HDAC9: variants seen among roughly 807,000 people sequenced by gnomAD.
HDAC9 encodes MEF-2 interacting transcription repressor (MITR) protein.
HDAC9 carries 41 observed loss-of-function variants against 139.4 expected under a neutral mutation model. The observed-to-expected ratio is 0.29, with a 90% CI of 0.23 to 0.38. The LOEUF (loss-of-function observed/expected upper bound fraction) is 0.38, where lower values mean the gene tolerates loss of function less well. Among genes scored for constraint, HDAC9 ranks in the 10% least tolerant of loss-of-function variants. The probability of loss-of-function intolerance (pLI) is 1.00; values close to 1 mark genes in which losing one functional copy is unlikely to be tolerated. For missense variants in HDAC9, 1,147 were observed against 1,297.0 expected, an observed-to-expected ratio of 0.88 and a Z score of 1.78; for synonymous variants, 517 against 476.2, an observed-to-expected ratio of 1.09 and a Z score of -1.12.
chr7:18,913,613 T>C (rs910561953), intron 22 of HDAC9, among the ~76,000 whole-genome samples: 1 of 152,090 alleles, frequency 6.6e-6, no homozygotes, highest in African/African-American at 2.4e-5. Context: ...CTAATTAATA[T>C]TGACATCACA....
At chr7:18,661,324 G>C (rs976949256) in intron 11 of HDAC9, among the ~76,000 whole-genome samples, 1 of 152,072 alleles carries the variant, frequency 6.6e-6, no homozygotes, top group African/African-American at 2.4e-5. Flanking sequence ...GGGAATAAAG[G>C]TTATTTTTGA....
intron 1 of HDAC9, among the ~76,000 whole-genome samples, chr7:18,380,665 A>G (rs1211396878): frequency 6.6e-6 from 1 of 152,202 alleles, no homozygotes; most frequent in Non-Finnish European, 1.5e-5. Context: ...AATACTTGCA[A>G]AATTGGAATC....
At chr7:18,732,647 GTATA>G (rs148206017) in intron 13 of HDAC9, among the ~76,000 whole-genome samples, 1,595 of 81,646 alleles carry the variant, frequency 0.02, 24 homozygotes, top group East Asian at 0.082. Flanking sequence ...GTGCATATGT[GTATA>G]TATACACACA....
At chr7:18,202,200 T>A (rs1791181041) in intron 2 of HDAC9, among the ~76,000 whole-genome samples, 1 of 152,226 alleles carries the variant, frequency 6.6e-6, no homozygotes, top group Non-Finnish European at 1.5e-5. Context: ...AAATTTCAGA[T>A]CACAGAACTC....
intron 2 of HDAC9, among the ~76,000 whole-genome samples, chr7:18,244,715 G>A (rs1251025110): frequency 1.3e-5 from 2 of 151,914 alleles, no homozygotes; most frequent in African/African-American, 2.4e-5. Flanking sequence ...GGAGAATGGC[G>A]TGAACCCGGG....
intron 2 of HDAC9, among the ~76,000 whole-genome samples, chr7:18,538,986 CTCTT>C (rs1386032988): frequency 1.2e-4 from 19 of 152,276 alleles, no homozygotes; most frequent in African/African-American, 4.6e-4. Flanking sequence ...GCTCAGGTCT[CTCTT>C]TATCTTCTTG....
At position 18,758,654 on chromosome 7, in the gene HDAC9, T is replaced by A. The variant is rs547747720; in HGVS notation, c.2044-3503T>A. Among the ~76,000 whole-genome samples the A allele has an allele frequency of 2.6e-5, 4 of 152,302 alleles. No homozygotes were observed. The East Asian group carries it at 7.7e-4, about 29-fold the overall frequency. On this transcript the variant is annotated intron_variant, in intron 14 of 25. Transcript: ENST00000686413. ...CGGAATTACTCCAGGAGATCCTATGTGTTAAGGAATAAAGAAAGCTGTTGC... is the reference window on the plus strand; with the variant it reads ...CGGAATTACTCCAGGAGATCCTATGAGTTAAGGAATAAAGAAAGCTGTTGC...
intron 2 of HDAC9, among the ~76,000 whole-genome samples, chr7:18,562,766 T>G (rs898900283): frequency 1.1e-4 from 17 of 152,120 alleles, no homozygotes; most frequent in African/African-American, 4.1e-4. Context: ...ACTTTAAGAT[T>G]AGTATGTCAA....
At chr7:18,674,587 A>G (rs1781383930) in intron 12 of HDAC9, among the ~76,000 whole-genome samples, 1 of 152,058 alleles carries the variant, frequency 6.6e-6, no homozygotes, top group East Asian at 1.9e-4. Flanking sequence ...CATTGTTCCT[A>G]GAGCCACTCA....
rs1185059667 is a variant in HDAC9, at chr7:18,438,653, T to C, written c.-41-57609T>C. 8.0e-5 allele frequency among the ~76,000 whole-genome samples: 12 copies of C among 150,576 alleles called. No homozygotes were observed. The East Asian group carries it at 2.3e-3, about 29-fold the overall frequency. On this transcript the variant is annotated intron_variant, in intron 1 of 3. Transcript: ENST00000413509. Reference sequence around the variant, plus strand: ...GTGATATGCTGTGTGTGCGTGTGTGTGTGTGTGTGTGTGTGTGTGTGTAAC... The same window carrying C: ...GTGATATGCTGTGTGTGCGTGTGTGCGTGTGTGTGTGTGTGTGTGTGTAAC...
intron 1 of HDAC9, among the ~76,000 whole-genome samples, chr7:18,112,420 G>A (rs544903713): frequency 1.2e-4 from 18 of 152,242 alleles, no homozygotes; most frequent in Admixed American, 1.0e-3. Flanking sequence ...CAAAAAAATC[G>A]AGGAAATGGT....
intron 1 of HDAC9, among the ~76,000 whole-genome samples, chr7:18,141,502 T>C (rs538693106): frequency 1.3e-5 from 2 of 152,256 alleles, no homozygotes; most frequent in South Asian, 4.1e-4. Context: ...ATATTAAATC[T>C]AGGTGAGGAC....
chr7:18,519,985 A>G (rs1804506030), intron 2 of HDAC9, among the ~76,000 whole-genome samples: 1 of 152,164 alleles, frequency 6.6e-6, no homozygotes. Flanking sequence ...CAGTACATAT[A>G]GCATAGTAAG....
intron 1 of HDAC9, among the ~76,000 whole-genome samples, chr7:18,153,720 C>T (rs1042551790): frequency 1.3e-5 from 2 of 152,164 alleles, no homozygotes; most frequent in African/African-American, 4.8e-5. Flanking sequence ...AACCTATTCT[C>T]CTGCCTCAGA....
At chr7:18,411,841 T>TTA (rs1554407527) in intron 1 of HDAC9, among the ~76,000 whole-genome samples, 60 of 135,506 alleles carry the variant, frequency 4.4e-4, no homozygotes, top group South Asian at 2.0e-3. Context: ...TTTTTTTTTT[T>TTA]ATCAGACAGG....
intron 16 of HDAC9, among the ~76,000 whole-genome samples, chr7:18,786,762 T>C (rs1791834493): frequency 7.4e-6 from 1 of 135,786 alleles, no homozygotes; most frequent in Non-Finnish European, 1.5e-5. Flanking sequence ...TCCTTTTCTT[T>C]TTTCTCTCTT....
intron 12 of HDAC9, among the ~76,000 whole-genome samples, chr7:18,669,205 A>T (rs1431513755): frequency 6.6e-6 from 1 of 151,828 alleles, no homozygotes; most frequent in African/African-American, 2.4e-5. Flanking sequence ...CTCAACTTAA[A>T]AAATTATTTT....
chr7:18,720,410 T>A (rs1317556472), intron 12 of HDAC9, among the ~76,000 whole-genome samples: 1 of 151,800 alleles, frequency 6.6e-6, no homozygotes, highest in Non-Finnish European at 1.5e-5. Flanking sequence ...CAATTTATAG[T>A]CTTCTTAATT....
intron 1 of HDAC9, among the ~76,000 whole-genome samples, chr7:18,365,141 G>A (rs1350319173): frequency 6.6e-6 from 1 of 152,072 alleles, no homozygotes; most frequent in Non-Finnish European, 1.5e-5. Flanking sequence ...GAGAAGATAT[G>A]TAATTAGGTG....
Sources: allele counts gnomAD v4.1 joint callset (sites outside exome capture counted in the v4.1 genomes callset), GRCh38; gene constraint gnomAD v4.1.1; transcripts MANE v1.5; gene names NCBI Gene and HGNC (gene_info 2026-07-23, HGNC 2026-07-21).